FRMD4A: variants seen among roughly 807,000 people sequenced by gnomAD.
FRMD4A encodes FERM domain containing 4A.
FRMD4A carries 29 observed loss-of-function variants against 129.1 expected under a neutral mutation model. The ratio of observed to expected loss-of-function variants is 0.22; its 90% CI spans 0.17 to 0.31. The LOEUF is 0.31. Among genes scored for constraint, FRMD4A ranks in the 10% least tolerant of loss-of-function variants. The pLI, the probability that FRMD4A is intolerant of heterozygous loss-of-function variation, is 1.00. For missense variants in FRMD4A, 1,272 were observed against 1,375.8 expected (o/e 0.92, Z 1.19); for synonymous variants, 634 against 571.6 (o/e 1.11, Z -1.56).
chr10:14,039,389 TCCATCCATCCATCC>T (rs1833666206), intron 2 of FRMD4A, among the ~76,000 whole-genome samples: 1 of 136,930 alleles, frequency 7.3e-6, no homozygotes, highest in Admixed American at 7.4e-5. Context: ...CATCCATCCA[TCCATCCATCCATCC>T]ATCCATCTAT....
In FRMD4A at chr10:14,255,771, C is replaced by T. The variant is rs547308152; in HGVS notation, c.45+74287G>A. On this transcript the variant is annotated intron_variant, in intron 2 of 24. Transcript: ENST00000357447. ...CTGTAATCCCAGCACACTGCGAGGC[C>T]GAGGCAGGTGGATCACTTGAGGTCA... Among the ~76,000 whole-genome samples, 76 of 152,122 alleles carry T rather than the reference C, an allele frequency of 5.0e-4. 1 individual carries two copies. The Middle Eastern group carries it at 0.01, about 21-fold the overall frequency.
Position 13,931,172 on chromosome 10 carries a change from A to G in FRMD4A, c.46-72260T>C, listed in dbSNP as rs145914717. On this transcript the variant is annotated intron_variant, in intron 2 of 24. Coordinates refer to ENST00000357447, the MANE Select transcript of FRMD4A (RefSeq NM_018027.5). Reference sequence around the variant, plus strand: ...AAGAGGTCAGGGGGAAGAGGAGATTAGAGATGGTTTAACCCACCAATATGT... The same window carrying G: ...AAGAGGTCAGGGGGAAGAGGAGATTGGAGATGGTTTAACCCACCAATATGT... Among the ~76,000 whole-genome samples, 35 of 152,326 alleles carry G rather than the reference A, an allele frequency of 2.3e-4. No individual in the cohort carries two copies. The East Asian group carries it at 6.4e-3, about 28-fold the overall frequency.
intron 2 of FRMD4A, among the ~76,000 whole-genome samples, chr10:14,204,998 G>A (rs977032774): frequency 6.6e-6 from 1 of 151,462 alleles, no homozygotes; most frequent in African/African-American, 2.4e-5. Flanking sequence ...TCCACCCCAC[G>A]TGTCTCTGCC....
At chr10:14,053,853 G>A (rs1000879385) in intron 2 of FRMD4A, among the ~76,000 whole-genome samples, 11 of 151,932 alleles carry the variant, frequency 7.2e-5, no homozygotes, top group Admixed American at 3.9e-4. Context: ...GCAAGATCCC[G>A]TCTCTACAAA....
chr10:13,790,271 T>G (rs1166339514), intron 5 of FRMD4A, among the ~76,000 whole-genome samples: 1 of 152,132 alleles, frequency 6.6e-6, no homozygotes, highest in African/African-American at 2.4e-5. Context: ...CACATTTGGA[T>G]GCAGAAAGAC....
chr10:13,752,176 G>A (rs568990481), intron 8 of FRMD4A, among the ~76,000 whole-genome samples: 19 of 152,214 alleles, frequency 1.2e-4, no homozygotes, highest in Non-Finnish European at 2.6e-4. Flanking sequence ...GATAAAAGTG[G>A]TATCAATGCT....
At chr10:13,803,657 G>T (rs1484728815) in intron 4 of FRMD4A, among the ~76,000 whole-genome samples, 1 of 158 alleles carries the variant, frequency 6.3e-3, no homozygotes, top group East Asian at 0.17. Context: ...CTTTTCTAGC[G>T]CTTCTACACC....
intron 2 of FRMD4A, among the ~76,000 whole-genome samples, chr10:13,931,398 C>G (rs1188432981): frequency 6.6e-6 from 1 of 152,168 alleles, no homozygotes; most frequent in Non-Finnish European, 1.5e-5. Flanking sequence ...CATTCTTTTT[C>G]TAGGCTTCAT....
In FRMD4A at chr10:13,856,586, G is replaced by A. The variant is rs553161994; in HGVS notation, c.111+2261C>T. Among the ~76,000 whole-genome samples the A allele has an allele frequency of 5.2e-4, 79 of 152,222 alleles. 2 individuals carry two copies. Among genetic ancestry groups the A allele is most frequent in the African/African-American group, 1.8e-3 (74 of 41,518 alleles). On this transcript the variant is annotated intron_variant, in intron 3 of 24. Transcript: ENST00000357447. Reference sequence around the variant, plus strand: ...TGGTGGAGGGTGTCTTCCAATTTGTGATGTAAAGACCTAAGAGAGACCAGC... The same window carrying A: ...TGGTGGAGGGTGTCTTCCAATTTGTAATGTAAAGACCTAAGAGAGACCAGC...
intron 16 of FRMD4A, among the ~76,000 whole-genome samples, chr10:13,672,088 GGTGTGTGCAT>G (rs910586953): frequency 8.5e-5 from 13 of 152,368 alleles, no homozygotes; most frequent in African/African-American, 2.4e-4. Flanking sequence ...GTGCAGGCAT[GGTGTGTGCAT>G]GTGTGTGCGT....
At chr10:14,113,638 A>C (rs1344011215) in intron 2 of FRMD4A, among the ~76,000 whole-genome samples, 1 of 152,184 alleles carries the variant, frequency 6.6e-6, no homozygotes, top group Non-Finnish European at 1.5e-5. Flanking sequence ...TCAAGGATCC[A>C]CTGTACATAA....
chr10:13,867,816 A>AATATAAT (rs974700086), intron 2 of FRMD4A, among the ~76,000 whole-genome samples: 1 of 137,320 alleles, frequency 7.3e-6, no homozygotes, highest in Non-Finnish European at 1.5e-5. Flanking sequence ...AATAATACAT[A>AATATAAT]ATATAATATA....
intron 12 of FRMD4A, among the ~76,000 whole-genome samples, chr10:13,727,452 G>T (rs2089980016): frequency 6.6e-6 from 1 of 152,214 alleles, no homozygotes; most frequent in South Asian, 2.1e-4. Flanking sequence ...GAGGGGGTAA[G>T]TCTTGGCCCC....
At chr10:14,123,443 C>A (rs1002770571) in intron 2 of FRMD4A, among the ~76,000 whole-genome samples, 1 of 152,174 alleles carries the variant, frequency 6.6e-6, no homozygotes, top group African/African-American at 2.4e-5. Flanking sequence ...TTCATGAAAA[C>A]AAAGCCAGAA....
intron 2 of FRMD4A, among the ~76,000 whole-genome samples, chr10:14,201,197 G>A (rs1006386500): frequency 2.0e-5 from 3 of 152,222 alleles, no homozygotes; most frequent in Non-Finnish European, 2.9e-5. Context: ...AAGCTTCTCC[G>A]TTTTGATAAT....
chr10:14,307,577 G>A (rs187995574), intron 2 of FRMD4A, among the ~76,000 whole-genome samples: 13 of 152,302 alleles, frequency 8.5e-5, no homozygotes, highest in Non-Finnish European at 1.6e-4. Flanking sequence ...CCTGCTACAC[G>A]TGTTCAGCTA....
intron 2 of FRMD4A, among the ~76,000 whole-genome samples, chr10:14,205,828 A>G (rs1476834097): frequency 6.9e-6 from 1 of 145,856 alleles, no homozygotes; most frequent in African/African-American, 2.5e-5. Context: ...AAAAAAAAAA[A>G]AGGGAATTAT....
Position 13,656,735 on chromosome 10 carries a change from AGGT to A in FRMD4A, c.2851_2853del (p.Thr951del). The A allele has an allele frequency of 6.3e-7, 1 of 1,596,654 alleles. No individual in the cohort carries two copies. Among genetic ancestry groups the A allele is most frequent in the South Asian group, 1.1e-5 (1 of 88,652 alleles). On this transcript the variant is annotated inframe_deletion, in exon 22 of 25. Coordinates refer to ENST00000357447, the MANE Select transcript of FRMD4A (RefSeq NM_018027.5). ...CTGTACTGCGAGCCGCTGTCCGAGG[AGGT>A]GGAGCTGGTGTGCGACAGGCGGCTG...
intron 8 of FRMD4A, among the ~76,000 whole-genome samples, chr10:13,753,129 G>A (rs2091705288): frequency 6.6e-6 from 1 of 152,228 alleles, no homozygotes; most frequent in Admixed American, 6.5e-5. Context: ...GGAAGTTATA[G>A]ATTTTCATTC....
Sources: allele counts gnomAD v4.1 joint callset (sites outside exome capture counted in the v4.1 genomes callset), GRCh38; gene constraint gnomAD v4.1.1; transcripts MANE v1.5; gene names NCBI Gene and HGNC (gene_info 2026-07-23, HGNC 2026-07-21).